Variants in PDGFC observed in about 807,000 individuals in gnomAD.
PDGFC encodes the protein platelet derived growth factor C, also known as platelet-derived growth factor C.
A neutral mutation model predicts 35.5 loss-of-function variants in PDGFC; 12 were observed. The ratio of observed to expected loss-of-function variants is 0.34; its 90% CI spans 0.22 to 0.55. PDGFC has a LOEUF of 0.55. Among genes scored for constraint, PDGFC ranks in the 20% least tolerant of loss-of-function variants. PDGFC has a pLI of 0.91. For missense variants in PDGFC, 322 were observed against 412.4 expected (o/e 0.78, Z 1.90); for synonymous variants, 159 against 148.8 (o/e 1.07, Z -0.50).
intron 1 of PDGFC, among the ~76,000 whole-genome samples, chr4:156,965,836 C>T (rs530160284): frequency 1.7e-4 from 26 of 152,254 alleles, no homozygotes; most frequent in Middle Eastern, 3.4e-3. Context: ...ATTTTAACCC[C>T]AATATGAACT....
At chr4:156,902,967 G>A (rs545127545) in intron 1 of PDGFC, among the ~76,000 whole-genome samples, 3 of 151,994 alleles carry the variant, frequency 2.0e-5, no homozygotes, top group Non-Finnish European at 2.9e-5. Flanking sequence ...TCTGAAAATC[G>A]ATTGATAGAG....
At chr4:156,797,768 G>A (rs1014987320) in intron 3 of PDGFC, among the ~76,000 whole-genome samples, 5 of 152,190 alleles carry the variant, frequency 3.3e-5, no homozygotes, top group Non-Finnish European at 5.9e-5. Flanking sequence ...ACCTGCGAGC[G>A]GTTGAAGTAC....
chr4:156,815,443 A>G (rs1375688472), intron 2 of PDGFC, among the ~76,000 whole-genome samples: 1 of 152,078 alleles, frequency 6.6e-6, no homozygotes, highest in Non-Finnish European at 1.5e-5. Flanking sequence ...AGAATAATGC[A>G]TTAAATCAGG....
chr4:156,929,046 A>G (rs1267249825), intron 1 of PDGFC, among the ~76,000 whole-genome samples: 2 of 152,232 alleles, frequency 1.3e-5, no homozygotes, highest in African/African-American at 4.8e-5. Context: ...ACATGAATCT[A>G]TAAGGGGCAA....
At chr4:156,926,961 C>T (rs1731430765) in intron 1 of PDGFC, among the ~76,000 whole-genome samples, 1 of 152,228 alleles carries the variant, frequency 6.6e-6, no homozygotes, top group South Asian at 2.1e-4. Context: ...CAGCAAACTT[C>T]TGCCTGGATA....
Position 156,843,680 on chromosome 4 carries a change from T to C in PDGFC, c.314+6541A>G, listed in dbSNP as rs185502921. The stretch of plus-strand genomic sequence containing the variant: ...CCTGCCATCATGAACAAGACTGAAA[T>C]TGTGAATTACAGTCCAAAACCCAGT... On this transcript the variant is annotated intron_variant, in intron 2 of 5. Coordinates refer to ENST00000502773, the MANE Select transcript of PDGFC (RefSeq NM_016205.3). Among the ~76,000 whole-genome samples the C allele has an allele frequency of 2.2e-3, 329 of 152,292 alleles. 1 individual carries two copies. Among genetic ancestry groups the C allele is most frequent in the African/African-American group, 7.7e-3 (318 of 41,564 alleles).
rs114855567 is a variant in PDGFC, at chr4:156,843,786, C to T, written c.314+6435G>A. 6.1e-3 allele frequency among the ~76,000 whole-genome samples: 922 copies of T among 152,236 alleles called. 15 individuals are homozygous for T. The highest frequency in any genetic ancestry group is 0.021 in the African/African-American group (886 of 41,540). ...ATAAGGACCAAAACCACCTACCCTC[C>T]CCAGTTCACTGTTTACAGTAACTTA... On this transcript the variant is annotated intron_variant, in intron 2 of 5. Transcript: ENST00000502773.
chr4:156,927,891 G>C (rs375361052), intron 1 of PDGFC, among the ~76,000 whole-genome samples: 178 of 152,178 alleles, frequency 1.2e-3, no homozygotes, highest in Middle Eastern at 3.4e-3. Flanking sequence ...TTTTCATGCT[G>C]CTGATAAAGA....
intron 2 of PDGFC, among the ~76,000 whole-genome samples, chr4:156,824,349 C>CAT (rs376453314): frequency 0.17 from 22,261 of 134,304 alleles, 2,278 homozygotes; most frequent in South Asian, 0.27. Context: ...CACACACACA[C>CAT]ATATACACAC....
intron 1 of PDGFC, among the ~76,000 whole-genome samples, chr4:156,912,261 G>T (rs1324323951): frequency 6.6e-6 from 1 of 152,110 alleles, no homozygotes; most frequent in Non-Finnish European, 1.5e-5. Flanking sequence ...TATTTCATTT[G>T]GCTGAGAGGA....
At chr4:156,819,043 C>T (rs1283126654) in intron 2 of PDGFC, among the ~76,000 whole-genome samples, 1 of 152,140 alleles carries the variant, frequency 6.6e-6, no homozygotes, top group African/African-American at 2.4e-5. Flanking sequence ...AAGGTCCTAA[C>T]TCTCTTTAAT....
chr4:156,935,215 C>G lies in PDGFC; in HGVS notation c.118+35571G>C, dbSNP rs575238435. 1.4e-4 allele frequency among the ~76,000 whole-genome samples: 22 copies of G among 152,226 alleles called. No individual in the cohort carries two copies. The East Asian group carries it at 4.1e-3, about 28-fold the overall frequency. On this transcript the variant is annotated intron_variant, in intron 1 of 5. Coordinates refer to ENST00000502773, the MANE Select transcript of PDGFC (RefSeq NM_016205.3). ...GTTTCACCATGTTGGCCAGGATGGTCTCGATCTCTTGACCTCATGACCTGC... is the reference window on the plus strand; with the variant it reads ...GTTTCACCATGTTGGCCAGGATGGTGTCGATCTCTTGACCTCATGACCTGC...
At chr4:156,955,452 T>C (rs898776163) in intron 1 of PDGFC, among the ~76,000 whole-genome samples, 7 of 152,084 alleles carry the variant, frequency 4.6e-5, no homozygotes, top group African/African-American at 1.4e-4. Context: ...TGGATTGTGG[T>C]AATCCTTTTG....
chr4:156,812,909 T>C (rs1368765554), intron 2 of PDGFC, among the ~76,000 whole-genome samples: 1 of 152,088 alleles, frequency 6.6e-6, no homozygotes, highest in Non-Finnish European at 1.5e-5. Flanking sequence ...CCTTGGAAGC[T>C]TAAAAGCAGT....
At chr4:156,780,107 GT>G (rs35403686) in intron 3 of PDGFC, among the ~76,000 whole-genome samples, 1,648 of 124,990 alleles carry the variant, frequency 0.013, 9 homozygotes, top group Non-Finnish European at 0.018. Context: ...CAAAATTAAG[GT>G]TTTTTTTTTT....
chr4:156,840,595 A>T (rs1729177831), intron 2 of PDGFC, among the ~76,000 whole-genome samples: 1 of 152,132 alleles, frequency 6.6e-6, no homozygotes. Flanking sequence ...TGCCTAGTGG[A>T]GCTGTGAGAA....
intron 5 of PDGFC, among the ~76,000 whole-genome samples, chr4:156,766,270 T>A (rs2110792027): frequency 6.6e-6 from 1 of 152,240 alleles, no homozygotes; most frequent in Non-Finnish European, 1.5e-5. Context: ...ACATCTAAGT[T>A]TATACATATA....
At chr4:156,924,146 C>G (rs1482520946) in intron 1 of PDGFC, among the ~76,000 whole-genome samples, 7 of 152,280 alleles carry the variant, frequency 4.6e-5, no homozygotes, top group South Asian at 4.2e-4. Context: ...AAACGAATAG[C>G]TAACAATTTT....
intron 1 of PDGFC, among the ~76,000 whole-genome samples, chr4:156,955,855 T>A (rs778310848): frequency 9.2e-5 from 14 of 152,008 alleles, no homozygotes; most frequent in Non-Finnish European, 1.6e-4. Flanking sequence ...CAAAAGTAGT[T>A]CATTTTTGAA....
Sources: gnomAD v4.1 joint callset for allele counts (sites outside exome capture counted in the v4.1 genomes callset) on GRCh38, gnomAD v4.1.1 for gene constraint, MANE v1.5 for transcripts, NCBI Gene and HGNC (gene_info 2026-07-23, HGNC 2026-07-21) for gene names.